The following SMURF2 variants were observed in gnomAD, a reference collection of about 807,000 sequenced individuals.
SMURF2 encodes SMAD specific E3 ubiquitin protein ligase 2.
In SMURF2, 48 loss-of-function variants were observed where a neutral mutation model predicts 109.6. That is an observed-to-expected ratio of 0.44 (90% confidence interval 0.35 to 0.56). SMURF2 has a LOEUF of 0.56. Ranked by LOEUF, SMURF2 falls within the 20% of genes least tolerant of loss-of-function variation. SMURF2 has a pLI of 0.01. For synonymous variants in SMURF2, 288 were observed against 317.1 expected, an observed-to-expected ratio of 0.91 and a Z score of 0.97; for missense variants, 575 against 909.0, an observed-to-expected ratio of 0.63 and a Z score of 4.72.
chr17:64,637,666 C>T lies in SMURF2; in HGVS notation c.52+24163G>A, dbSNP rs140613824. Reference sequence around the variant, plus strand: ...GTAACTGCTGCCTCCCAGGTTCAGGCGATTCTCCCACCTCTGCCTCCCCAG... The same window carrying T: ...GTAACTGCTGCCTCCCAGGTTCAGGTGATTCTCCCACCTCTGCCTCCCCAG... On this transcript the variant is annotated intron_variant, in intron 1 of 18. Transcript: ENST00000262435. 6.3e-3 allele frequency among the ~76,000 whole-genome samples: 951 copies of T among 151,908 alleles called. 7 individuals carry two copies. Among genetic ancestry groups the T allele is most frequent in the Middle Eastern group, 0.01 (3 of 292 alleles).
intron 9 of SMURF2, among the ~76,000 whole-genome samples, chr17:64,575,762 C>A (rs983819241): frequency 6.6e-6 from 1 of 151,768 alleles, no homozygotes; most frequent in Non-Finnish European, 1.5e-5. Flanking sequence ...GGAGGAGGGG[C>A]GCTGCTGTGC....
intron 18 of SMURF2, 84 bp from the exon 19 acceptor site, chr17:64,546,031 C>G: frequency 1.1e-6 from 1 of 938,876 alleles, no homozygotes; most frequent in Non-Finnish European, 1.7e-6. Flanking sequence ...ATAGCCACAT[C>G]ACTCTGTGTC....
At chr17:64,648,334 G>A (rs1250106148) in intron 1 of SMURF2, among the ~76,000 whole-genome samples, 4 of 152,026 alleles carry the variant, frequency 2.6e-5, no homozygotes, top group African/African-American at 4.8e-5. Flanking sequence ...ATTAACAAAT[G>A]AACACTTCAG....
intron 8 of SMURF2, among the ~76,000 whole-genome samples, chr17:64,579,853 G>C (rs1366338016): frequency 6.6e-6 from 1 of 152,214 alleles, no homozygotes; most frequent in Non-Finnish European, 1.5e-5. Context: ...TCCTAAGTCT[G>C]TCTGTCACTC....
At position 64,542,294 on chromosome 17, in the gene SMURF2, G is replaced by A. The variant is rs1317730157; in HGVS notation, c.*3554C>T. ...TACAAACTCAATATTCTTTAAAAAC[G>A]TTGATGCTGTGACAGTGCAAACAGC... On this transcript the variant is annotated 3_prime_UTR_variant, in exon 19 of 19. Transcript: ENST00000262435. 1.3e-5 allele frequency: 2 copies of A among 152,238 alleles called. No homozygotes were observed. Among genetic ancestry groups the A allele is most frequent in the South Asian group, 2.1e-4 (1 of 4,818 alleles). 9.4% of individuals were successfully genotyped at this position (152,238 alleles called of 1,614,324 possible).
At position 64,547,372 on chromosome 17, in the gene SMURF2, G is replaced by GGT. The variant is rs1428057023; in HGVS notation, c.2071+226_2071+227dup. Among the ~76,000 whole-genome samples, 15 of 152,122 alleles carry GGT rather than the reference G, an allele frequency of 9.9e-5. No individual in the cohort carries two copies. The highest frequency in any genetic ancestry group is 1.9e-4 in the Non-Finnish European group (13 of 68,022). ...ACAAAGGCAGAGCATCACCACGTAC[G>GGT]GTCTCTAGCATGCGGCACTCACTAC... On this transcript the variant is annotated intron_variant, in intron 17 of 18. Transcript: ENST00000262435. This position sits in a 1 kb window ranked among gnomAD's most constrained non-coding sequence, Gnocchi z 4.2.
chr17:64,635,080 A>G (rs1482979319), intron 1 of SMURF2, among the ~76,000 whole-genome samples: 3 of 152,156 alleles, frequency 2.0e-5, no homozygotes, highest in Non-Finnish European at 4.4e-5. Context: ...TAATCTCAGC[A>G]CTTTGGGAGG....
In SMURF2 at chr17:64,584,231, T is replaced by C. The variant is rs569516163; in HGVS notation, c.486-687A>G. 5.3e-5 allele frequency among the ~76,000 whole-genome samples: 8 copies of C among 150,402 alleles called. No individual in the cohort carries two copies. In the East Asian group the frequency reaches 1.6e-3, roughly 30 times the overall value. ...TACTCGGGAGGTTGAGGCAGGAGAATTGCTTGAACCGGGGAGGCGGAGGTT... is the reference window on the plus strand; with the variant it reads ...TACTCGGGAGGTTGAGGCAGGAGAACTGCTTGAACCGGGGAGGCGGAGGTT... On this transcript the variant is annotated intron_variant, in intron 6 of 18. Coordinates refer to ENST00000262435, the MANE Select transcript of SMURF2 (RefSeq NM_022739.4).
chr17:64,651,533 C>T (rs1970640457), intron 1 of SMURF2, among the ~76,000 whole-genome samples: 1 of 148,470 alleles, frequency 6.7e-6, no homozygotes. Flanking sequence ...GATCGTGCCA[C>T]TGCATTCCAG....
intron 14 of SMURF2, 45 bp downstream of exon 14, chr17:64,555,775 A>G: frequency 1.6e-6 from 2 of 1,272,916 alleles, no homozygotes; most frequent in Non-Finnish European, 2.1e-6. Flanking sequence ...ATTTTTTTTT[A>G]AAGCTCAGAG....
Position 64,556,611 on chromosome 17 carries a change from T to C in SMURF2, c.1432-613A>G, listed in dbSNP as rs555197288. Among the ~76,000 whole-genome samples, 8 of 152,328 alleles carry C rather than the reference T, an allele frequency of 5.3e-5. No individual in the cohort carries two copies. In the East Asian group the frequency reaches 1.2e-3, roughly 22 times the overall value. ...AACCCATGGAACTGGACCTGGCATGTTATAAGCAGTCAATGAGTCTGGGCT... is the reference window on the plus strand; with the variant it reads ...AACCCATGGAACTGGACCTGGCATGCTATAAGCAGTCAATGAGTCTGGGCT... On this transcript the variant is annotated intron_variant, in intron 13 of 18. Coordinates refer to ENST00000262435, the MANE Select transcript of SMURF2 (RefSeq NM_022739.4).
At chr17:64,557,370 C>T (rs570303134) in intron 13 of SMURF2, among the ~76,000 whole-genome samples, 4 of 152,180 alleles carry the variant, frequency 2.6e-5, no homozygotes, top group Non-Finnish European at 2.9e-5. Flanking sequence ...GTCCCCGCTC[C>T]TGAAGACAAC....
chr17:64,555,049 TA>T, intron 14 of SMURF2, 56 bp from the exon 15 acceptor site: 1 of 1,458,876 alleles, frequency 6.9e-7, no homozygotes, highest in Non-Finnish European at 9.4e-7. Context: ...ACAGACCCTA[TA>T]GATGTATTAA....
intron 16 of SMURF2, among the ~76,000 whole-genome samples, chr17:64,550,499 G>A (rs1400705510): frequency 6.6e-6 from 1 of 152,188 alleles, no homozygotes; most frequent in African/African-American, 2.4e-5. Flanking sequence ...ACATTTAGAG[G>A]CCAGGTGCGG....
intron 11 of SMURF2, 67 bp from the exon 12 acceptor site, chr17:64,561,670 C>T (rs1274887121): frequency 1.6e-6 from 2 of 1,216,042 alleles, no homozygotes; most frequent in African/African-American, 1.5e-5. Flanking sequence ...TAATCTCTCC[C>T]TGCCAATCCA....
intron 1 of SMURF2, among the ~76,000 whole-genome samples, chr17:64,628,012 T>A (rs1568201539): frequency 6.6e-6 from 1 of 152,158 alleles, no homozygotes; most frequent in Admixed American, 6.6e-5. Flanking sequence ...AGTTTGGAAG[T>A]CCCACACAGA....
At chr17:64,593,887 A>G (rs1476197234) in intron 3 of SMURF2, 2 of 174,166 alleles carry the variant, frequency 1.1e-5, no homozygotes, top group African/African-American at 4.7e-5. Context: ...AAGAAAAAGA[A>G]TCTTAAAAAC....
At chr17:64,660,754 C>T (rs1424222156) in intron 1 of SMURF2, 4 of 152,166 alleles carry the variant, frequency 2.6e-5, no homozygotes, top group Admixed American at 1.3e-4. Flanking sequence ...CACCCGAATA[C>T]AAACGTGGAC....
chr17:64,640,695 C>A (rs982964189), intron 1 of SMURF2, among the ~76,000 whole-genome samples: 29 of 152,132 alleles, frequency 1.9e-4, no homozygotes, highest in Non-Finnish European at 2.4e-4. Flanking sequence ...CCAAGGCAGG[C>A]AGATCACGAG....
Sources: gnomAD v4.1 joint callset for allele counts (sites outside exome capture counted in the v4.1 genomes callset) on GRCh38, gnomAD v4.1.1 for gene constraint, Gnocchi (gnomAD v3.1) non-coding constraint, MANE v1.5 for transcripts, NCBI Gene and HGNC (gene_info 2026-07-23, HGNC 2026-07-21) for gene names.